The following NCOA2 variants were observed in gnomAD, a reference collection of about 807,000 sequenced individuals.
NCOA2 encodes the protein nuclear receptor coactivator 2.
NCOA2 carries 21 observed loss-of-function variants against 145.1 expected under a neutral mutation model. The ratio of observed to expected loss-of-function variants is 0.14; its 90% CI spans 0.10 to 0.21. NCOA2 has a LOEUF of 0.21. Among genes scored for constraint, NCOA2 ranks in the 10% least tolerant of loss-of-function variants. The pLI is 1.00. For missense variants in NCOA2, 1,472 were observed against 1,837.6 expected (o/e 0.80, Z 3.64); for synonymous variants, 619 against 637.5 (o/e 0.97, Z 0.44).
At chr8:70,174,643 T>C (rs928346055) in intron 5 of NCOA2, 113 bp downstream of exon 5, 9 of 977,214 alleles carry the variant, frequency 9.2e-6, no homozygotes, top group East Asian at 4.9e-5. Flanking sequence ...AAGAGGTCCA[T>C]AGTACTAGTA....
chr8:70,266,410 C>T (rs1004222759), intron 2 of NCOA2, among the ~76,000 whole-genome samples: 1 of 152,178 alleles, frequency 6.6e-6, no homozygotes, highest in Non-Finnish European at 1.5e-5. Context: ...TGACAGCAGC[C>T]ATTGCTGAAC....
chr8:70,220,676 G>A (rs190959795), intron 2 of NCOA2, among the ~76,000 whole-genome samples: 2 of 152,278 alleles, frequency 1.3e-5, no homozygotes, highest in Admixed American at 6.5e-5. Context: ...ATTCAAAAAT[G>A]TACTTTCATG....
intron 1 of NCOA2, among the ~76,000 whole-genome samples, chr8:70,384,677 A>T (rs1164669657): frequency 6.6e-6 from 1 of 152,184 alleles, no homozygotes; most frequent in East Asian, 1.9e-4. Flanking sequence ...AGTAGTTTTT[A>T]AAATAACCCC....
intron 18 of NCOA2, among the ~76,000 whole-genome samples, chr8:70,127,588 GA>G (rs1340595697): frequency 1.3e-5 from 2 of 152,166 alleles, no homozygotes; most frequent in Non-Finnish European, 2.9e-5. Flanking sequence ...CAGGATGGAT[GA>G]AGGGAAGGGA....
the NCOA2 span, among the ~76,000 whole-genome samples, chr8:70,451,424 AG>A: frequency 7.2e-3 from 989 of 137,636 alleles, 14 homozygotes; most frequent in African/African-American, 0.025. Context: ...AAAAAAAAGG[AG>A]GAAACAAAAA....
Position 70,124,737 on chromosome 8 carries a change from C to T in NCOA2, c.4045G>A (p.Ala1349Thr). The change falls in exon 20 of 23, where the codon GCC (alanine) becomes ACC (threonine). Residue 1349 changes from alanine to threonine, a missense_variant. Physicochemically the swap from Ala to Thr is moderately conservative, Grantham distance 58 (BLOSUM62 0). Transcript: ENST00000452400. ...QQSQANPAYQAPSDINGWAQG... is the reference protein window; with the variant it reads ...QQSQANPAYQTPSDINGWAQG... ...GCCCATCCATTTATGTCGGAGGGGG[C>T]CTGATAGGCTGGGTTGGCCTGAGAC... The T allele has an allele frequency of 6.2e-7, 1 of 1,613,090 alleles. No homozygotes were observed. Among genetic ancestry groups the T allele is most frequent in the East Asian group, 2.2e-5 (1 of 44,844 alleles).
intron 15 of NCOA2, chr8:70,137,920 G>A (rs1181035384): frequency 1.2e-5 from 3 of 243,162 alleles, no homozygotes; most frequent in Non-Finnish European, 1.6e-5. Flanking sequence ...CATCCTGGTT[G>A]GATGATCTTC....
chr8:70,190,729 G>A lies in NCOA2; in HGVS notation c.260-15870C>T, dbSNP rs999248767. On this transcript the variant is annotated intron_variant, in intron 4 of 22. Coordinates refer to ENST00000452400, the MANE Select transcript of NCOA2 (RefSeq NM_006540.4). Reference sequence around the variant, plus strand: ...AATTTAGCTGGGCGTGGTGGTAGACGTCTGTAATCCCAGCTACTTGGGAGG... The same window carrying A: ...AATTTAGCTGGGCGTGGTGGTAGACATCTGTAATCCCAGCTACTTGGGAGG... Among the ~76,000 whole-genome samples the A allele has an allele frequency of 3.3e-5, 5 of 152,196 alleles. No homozygotes were observed. In the East Asian group the frequency reaches 5.8e-4, roughly 18 times the overall value.
At chr8:70,343,185 G>A (rs915798246) in intron 1 of NCOA2, among the ~76,000 whole-genome samples, 27 of 152,108 alleles carry the variant, frequency 1.8e-4, no homozygotes, top group Non-Finnish European at 1.9e-4. Context: ...AAGTTTATTC[G>A]AAGCCTTGGA....
At chr8:70,124,921 A>G in intron 19 of NCOA2, 56 bp from the exon 20 acceptor site, 1 of 1,465,500 alleles carries the variant, frequency 6.8e-7, no homozygotes, top group Non-Finnish European at 9.1e-7. Context: ...TATATTGTAG[A>G]GACTGGTGGG....
At chr8:70,403,578 G>C in intron 1 of NCOA2, 122 bp downstream of exon 1, 1 of 310,622 alleles carries the variant, frequency 3.2e-6, no homozygotes, top group Admixed American at 5.1e-5. Context: ...TCTCGGAGGC[G>C]CACGGCTCTG....
At chr8:70,133,200 C>CTTTTTTTTTTTTTTT (rs57813061) in intron 15 of NCOA2, among the ~76,000 whole-genome samples, 6 of 106,986 alleles carry the variant, frequency 5.6e-5, no homozygotes, top group African/African-American at 2.4e-4. Context: ...CTGGCTGCTA[C>CTTTTTTTTTTTTTTT]TTTTTTTTTT....
chr8:70,294,946 A>G (rs2135723798), intron 2 of NCOA2, among the ~76,000 whole-genome samples: 1 of 152,366 alleles, frequency 6.6e-6, no homozygotes, highest in East Asian at 1.9e-4. Context: ...TGAATCAGAA[A>G]CAGCTGTATA....
intron 1 of NCOA2, among the ~76,000 whole-genome samples, chr8:70,359,443 T>G (rs781310811): frequency 6.6e-6 from 1 of 152,086 alleles, no homozygotes. Flanking sequence ...CCTAGAAAAT[T>G]TGTGCTAAGA....
chr8:70,239,420 TAC>T lies in NCOA2; in HGVS notation c.-19-22658_-19-22657del, dbSNP rs144989573. Among the ~76,000 whole-genome samples the T allele has an allele frequency of 5.9e-3, 896 of 152,284 alleles. 5 individuals carry two copies. The highest frequency in any genetic ancestry group is 0.02 in the African/African-American group (830 of 41,554). On this transcript the variant is annotated intron_variant, in intron 2 of 22. Coordinates refer to ENST00000452400, the MANE Select transcript of NCOA2 (RefSeq NM_006540.4). ...TTTAGGCATGAAGAAACACAAGACC[TAC>T]AGTCTTTGTTGATCTTCTTGGTAAA...
At chr8:70,188,371 C>T (rs1285453446) in intron 4 of NCOA2, among the ~76,000 whole-genome samples, 1 of 152,176 alleles carries the variant, frequency 6.6e-6, no homozygotes, top group Non-Finnish European at 1.5e-5. Flanking sequence ...CAAGTTAGTA[C>T]ACGACCTCAA....
intron 4 of NCOA2, among the ~76,000 whole-genome samples, chr8:70,182,247 C>T (rs1436990014): frequency 1.3e-5 from 2 of 152,208 alleles, no homozygotes; most frequent in Non-Finnish European, 2.9e-5. Flanking sequence ...CAAGTTGCCT[C>T]CCTCTTTTTC....
At chr8:70,417,245 TAAAA>T in the NCOA2 span, among the ~76,000 whole-genome samples, 19 of 77,998 alleles carry the variant, frequency 2.4e-4, no homozygotes, top group African/African-American at 1.4e-3. Context: ...TCGTCTCTAT[TAAAA>T]AAAAAAAAAA....
At chr8:70,328,941 T>A (rs1397232158) in intron 1 of NCOA2, among the ~76,000 whole-genome samples, 3 of 152,080 alleles carry the variant, frequency 2.0e-5, no homozygotes, top group African/African-American at 7.2e-5. Flanking sequence ...TACTTTATTC[T>A]CAAGACCCAG....
Sources: gnomAD v4.1 joint callset for allele counts (sites outside exome capture counted in the v4.1 genomes callset) on GRCh38, gnomAD v4.1.1 for gene constraint, MANE v1.5 for transcripts, NCBI Gene and HGNC (gene_info 2026-07-23, HGNC 2026-07-21) for gene names.